The following HECW1 variants were observed in gnomAD, a reference collection of about 807,000 sequenced individuals.
The protein encoded by HECW1 is HECT, C2 and WW domain containing E3 ubiquitin protein ligase 1.
A neutral mutation model predicts 182.3 loss-of-function variants in HECW1; 61 were observed. That is an observed-to-expected ratio of 0.33 (90% CI 0.27 to 0.41). HECW1 has a LOEUF of 0.41. HECW1 is among the 10% of genes least tolerant of loss of function. The probability of loss-of-function intolerance (pLI) is 1.00; values close to 1 mark genes in which losing one functional copy is unlikely to be tolerated. For synonymous variants in HECW1, 859 were observed against 832.6 expected, an observed-to-expected ratio of 1.03 and a Z score of -0.55; for missense variants, 1,739 against 2,108.9, an observed-to-expected ratio of 0.82 and a Z score of 3.44.
chr7:43,127,263 C>T (rs1483897665), intron 2 of HECW1, among the ~76,000 whole-genome samples: 1 of 152,144 alleles, frequency 6.6e-6, no homozygotes, highest in Non-Finnish European at 1.5e-5. Flanking sequence ...GTAGCTCATG[C>T]CTGTAATCCC....
At chr7:43,361,601 C>T (rs1406162455) in intron 6 of HECW1, among the ~76,000 whole-genome samples, 1 of 152,070 alleles carries the variant, frequency 6.6e-6, no homozygotes, top group Non-Finnish European at 1.5e-5. Context: ...TTGCTCAGGC[C>T]TGTGGTAATA....
intron 3 of HECW1, among the ~76,000 whole-genome samples, chr7:43,306,241 C>T (rs1468106334): frequency 6.6e-6 from 1 of 152,238 alleles, no homozygotes; most frequent in Non-Finnish European, 1.5e-5. Context: ...CTGCATAGAG[C>T]AAATGCTCAG....
chr7:43,380,549 T>C (rs967891440), intron 6 of HECW1, among the ~76,000 whole-genome samples: 4 of 152,102 alleles, frequency 2.6e-5, no homozygotes, highest in African/African-American at 9.7e-5. Flanking sequence ...TCCCCCTAGA[T>C]GAAGTTTTGC....
At chr7:43,157,052 G>A (rs913278868) in intron 2 of HECW1, among the ~76,000 whole-genome samples, 1 of 152,172 alleles carries the variant, frequency 6.6e-6, no homozygotes, top group African/African-American at 2.4e-5. Flanking sequence ...GCAAACCTGG[G>A]CTTTGTGCTA....
At chr7:43,211,988 G>A (rs1404170306) in intron 2 of HECW1, among the ~76,000 whole-genome samples, 2 of 152,160 alleles carry the variant, frequency 1.3e-5, no homozygotes, top group African/African-American at 4.8e-5. Context: ...TCTTAAGGGA[G>A]ACTTACAGGA....
rs377677371 is a variant in HECW1, at chr7:43,379,855, G to A, written c.556-16959G>A. Among the ~76,000 whole-genome samples, 566 of 152,208 alleles carry A rather than the reference G, an allele frequency of 3.7e-3. 3 individuals carry two copies. The highest frequency in any genetic ancestry group is 0.013 in the African/African-American group (540 of 41,540). On this transcript the variant is annotated intron_variant, in intron 6 of 29. Coordinates refer to ENST00000395891, the MANE Select transcript of HECW1 (RefSeq NM_015052.5). Reference sequence around the variant, plus strand: ...ATCACTATTTTCATTCATGGTGCTCGTGTTGTAATTGTGTTTGCCTCCCTC... The same window carrying A: ...ATCACTATTTTCATTCATGGTGCTCATGTTGTAATTGTGTTTGCCTCCCTC...
chr7:43,162,593 A>G (rs1790659564), intron 2 of HECW1, among the ~76,000 whole-genome samples: 1 of 152,286 alleles, frequency 6.6e-6, no homozygotes, highest in Non-Finnish European at 1.5e-5. Context: ...ATAAGGTCAT[A>G]TTCACAGTTG....
intron 2 of HECW1, among the ~76,000 whole-genome samples, chr7:43,191,306 T>G (rs574051772): frequency 6.6e-6 from 1 of 152,224 alleles, no homozygotes; most frequent in Non-Finnish European, 1.5e-5. Context: ...CCTGAGGCCA[T>G]TGACATACAC....
At chr7:43,262,586 T>TA in intron 3 of HECW1, among the ~76,000 whole-genome samples, 1 of 152,318 alleles carries the variant, frequency 6.6e-6, no homozygotes, top group South Asian at 2.1e-4. Flanking sequence ...ACTTAGCAGT[T>TA]ACCTCACAAA....
At chr7:43,441,474 T>TC (rs1427515249) in intron 9 of HECW1, among the ~76,000 whole-genome samples, 15 of 152,182 alleles carry the variant, frequency 9.9e-5, no homozygotes, top group Non-Finnish European at 1.9e-4. Context: ...GCTGGCACTG[T>TC]CCATCGTTGA....
At chr7:43,435,907 G>A (rs745734339) in intron 8 of HECW1, among the ~76,000 whole-genome samples, 15 of 152,196 alleles carry the variant, frequency 9.9e-5, no homozygotes, top group South Asian at 6.2e-4. Context: ...GCTCACGCCT[G>A]TAATCCCAGC....
Position 43,237,136 on chromosome 7 carries a change from AGGAAGTAGGTAGGTAGGTAGGTAGGTAG to A in HECW1, c.-31-6737_-31-6710del, listed in dbSNP as rs1247181887. Among the ~76,000 whole-genome samples, 31 of 146,662 alleles carry A rather than the reference AGGAAGTAGGTAGGTAGGTAGGTAGGTAG, an allele frequency of 2.1e-4. No homozygotes were observed. In the South Asian group the frequency reaches 4.5e-3, roughly 21 times the overall value. On this transcript the variant is annotated intron_variant, in intron 2 of 29. Coordinates refer to ENST00000395891, the MANE Select transcript of HECW1 (RefSeq NM_015052.5). ...AAAGAAAAAAAGAAGGAAGGAAGGA[AGGAAGTAGGTAGGTAGGTAGGTAGGTAG>A]GTAGGTAGGTAGGTAGGTAGGTAGG...
At chr7:43,189,754 A>G (rs1275512251) in intron 2 of HECW1, among the ~76,000 whole-genome samples, 1 of 152,236 alleles carries the variant, frequency 6.6e-6, no homozygotes, top group Non-Finnish European at 1.5e-5. Context: ...TATTAAATGC[A>G]TAATTACCAA....
chr7:43,378,762 C>T (rs1007394459), intron 6 of HECW1, among the ~76,000 whole-genome samples: 12 of 151,662 alleles, frequency 7.9e-5, no homozygotes, highest in African/African-American at 1.9e-4. Flanking sequence ...ACTGAGATTG[C>T]GCTACTGCAC....
In HECW1 at chr7:43,408,099, G is replaced by A. The variant is rs181764474; in HGVS notation, c.801+368G>A. 3.9e-5 allele frequency among the ~76,000 whole-genome samples: 6 copies of A among 152,176 alleles called. No homozygotes were observed. In the East Asian group the frequency reaches 5.8e-4, roughly 15 times the overall value. On this transcript the variant is annotated intron_variant, in intron 8 of 29. Coordinates refer to ENST00000395891, the MANE Select transcript of HECW1 (RefSeq NM_015052.5). ...CCCATGCATGTGATCCTTGAGCAAG[G>A]GTGTCAAATCTTAAATATAGCCTTC...
In HECW1 at chr7:43,210,405, G is replaced by T. The variant is rs142999239; in HGVS notation, c.-31-33470G>T. Among the ~76,000 whole-genome samples the T allele has an allele frequency of 5.9e-4, 90 of 151,974 alleles. No individual in the cohort carries two copies. In the East Asian group the frequency reaches 0.011, roughly 18 times the overall value. On this transcript the variant is annotated intron_variant, in intron 2 of 29. Coordinates refer to ENST00000395891, the MANE Select transcript of HECW1 (RefSeq NM_015052.5). ...TCATCCTGAGACAGGATTTTTGCAT[G>T]CCTGGGCCACTGATAGAAGACTCAA...
At chr7:43,238,414 C>T (rs1351224955) in intron 2 of HECW1, among the ~76,000 whole-genome samples, 2 of 152,110 alleles carry the variant, frequency 1.3e-5, no homozygotes, top group Admixed American at 6.5e-5. Flanking sequence ...GGAGTAAGGC[C>T]TGGGGAGGAG....
At position 43,508,071 on chromosome 7, in the gene HECW1, C is replaced by G. The variant is rs1223453800; in HGVS notation, c.3806C>G (p.Ala1269Gly). The change falls in exon 23 of 30, where the codon GCC becomes GGC. Residue 1269 changes from alanine (A) to glycine (G), a missense_variant. Ala to Gly is a moderately conservative substitution (Grantham distance 60). Transcript: ENST00000395891. ...GAGGGAACCTTCAATCAGGTGATGG[C>G]CTATTCGCGGAAAGAGCTCCAGCGA... ...LLEGTFNQVMAYSRKELQRNK... is the reference protein window; with the variant it reads ...LLEGTFNQVMGYSRKELQRNK... 6.2e-7 allele frequency: 1 copy of G among 1,613,884 alleles called. No individual in the cohort carries two copies. The highest frequency in any genetic ancestry group is 8.5e-7 in the Non-Finnish European group (1 of 1,179,932).
intron 3 of HECW1, among the ~76,000 whole-genome samples, chr7:43,302,055 G>A (rs1490230664): frequency 2.0e-5 from 3 of 152,156 alleles, no homozygotes; most frequent in Admixed American, 2.0e-4. Context: ...TTTCAATGAG[G>A]ATACAAACTC....
Sources: allele counts gnomAD v4.1 joint callset (sites outside exome capture counted in the v4.1 genomes callset), GRCh38; gene constraint gnomAD v4.1.1; transcripts MANE v1.5; gene names NCBI Gene and HGNC (gene_info 2026-07-23, HGNC 2026-07-21).